SLC8A1: variants seen among roughly 807,000 people sequenced by gnomAD.
The protein encoded by SLC8A1 is sodium/calcium exchanger 1.
Under a neutral mutation model 68.3 loss-of-function variants are expected in SLC8A1, and 18 were observed. The observed-to-expected ratio is 0.26, with a 90% CI of 0.18 to 0.39. SLC8A1 has a LOEUF of 0.39. SLC8A1 is among the 10% of genes least tolerant of loss of function. The probability of loss-of-function intolerance (pLI) is 1.00; values close to 1 mark genes in which losing one functional copy is unlikely to be tolerated. For synonymous variants in SLC8A1, 475 were observed against 415.5 expected, an observed-to-expected ratio of 1.14 and a Z score of -1.74; for missense variants, 985 against 1,156.7, an observed-to-expected ratio of 0.85 and a Z score of 2.15.
At chr2:40,174,953 T>C in intron 3 of SLC8A1, 111 bp from the exon 5 acceptor site, 1 of 1,001,516 alleles carries the variant, frequency 1.0e-6, no homozygotes, top group Non-Finnish European at 1.5e-6. Flanking sequence ...CAAATTATAT[T>C]TACAATTAAG....
intron 2 of SLC8A1, among the ~76,000 whole-genome samples, chr2:40,350,663 T>C (rs552794723): frequency 1.4e-5 from 2 of 148,076 alleles, no homozygotes; most frequent in African/African-American, 2.5e-5. Context: ...ATGTGTAAAT[T>C]TGTCTTAACA....
intron 2 of SLC8A1, among the ~76,000 whole-genome samples, chr2:40,407,168 C>T (rs1690633197): frequency 6.6e-6 from 1 of 152,134 alleles, no homozygotes; most frequent in African/African-American, 2.4e-5. Flanking sequence ...CTAGGTTCAA[C>T]AGATTCTCCT....
chr2:40,192,918 A>G (rs1438842937), intron 2 of SLC8A1, among the ~76,000 whole-genome samples: 1 of 152,136 alleles, frequency 6.6e-6, no homozygotes, highest in African/African-American at 2.4e-5. Flanking sequence ...ACCCCCTAAG[A>G]ATGTCAGCTC....
intron 2 of SLC8A1, among the ~76,000 whole-genome samples, chr2:40,381,445 A>C (rs1332188267): frequency 6.6e-6 from 1 of 151,982 alleles, no homozygotes; most frequent in African/African-American, 2.4e-5. Context: ...ACATCTCTCC[A>C]TGAGTTTATG....
intron 2 of SLC8A1, among the ~76,000 whole-genome samples, chr2:40,247,076 T>G (rs1371464028): frequency 6.6e-6 from 1 of 152,204 alleles, no homozygotes; most frequent in African/African-American, 2.4e-5. Flanking sequence ...GCCAGCATAT[T>G]TCTTATAGAT....
chr2:40,439,076 T>C (rs1217527661), intron 1 of SLC8A1, among the ~76,000 whole-genome samples: 3 of 151,898 alleles, frequency 2.0e-5, no homozygotes, highest in Non-Finnish European at 4.4e-5. Context: ...TGAAGCCCCG[T>C]AGTGAATATG....
chr2:40,367,654 G>C lies in SLC8A1; in HGVS notation c.1808+60819C>G, dbSNP rs143292345. On this transcript the variant is annotated intron_variant, in intron 2 of 7. Transcript: ENST00000406785. ...TAATTGTTCGCCATCTCATCTAGAT[G>C]CCTCCAGACTGTCAATGAAATCTGA... Among the ~76,000 whole-genome samples the C allele has an allele frequency of 4.3e-3, 651 of 152,064 alleles. 3 individuals are homozygous for C. The highest frequency in any genetic ancestry group is 6.8e-3 in the Non-Finnish European group (460 of 67,952).
At chr2:40,386,219 C>A (rs931449730) in intron 2 of SLC8A1, among the ~76,000 whole-genome samples, 4 of 151,390 alleles carry the variant, frequency 2.6e-5, no homozygotes, top group Non-Finnish European at 4.4e-5. Context: ...TCTTAAATGA[C>A]TACCTGTTAT....
intron 2 of SLC8A1, among the ~76,000 whole-genome samples, chr2:40,192,881 C>T (rs576365719): frequency 6.6e-6 from 1 of 152,140 alleles, no homozygotes; most frequent in Admixed American, 6.5e-5. Context: ...GAAGAGAATC[C>T]ATGGAAATAC....
At position 40,394,377 on chromosome 2, in the gene SLC8A1, G is replaced by A. The variant is rs150997370; in HGVS notation, c.1808+34096C>T. On this transcript the variant is annotated intron_variant, in intron 2 of 7. Transcript: ENST00000406785. ...GCTTTTTCTAACGTGGATTCATCAG[G>A]GCACTGAAATTTAACTATTTTATTT... Among the ~76,000 whole-genome samples, 1,135 of 151,894 alleles carry A rather than the reference G, an allele frequency of 7.5e-3. 13 individuals are homozygous for A. The highest frequency in any genetic ancestry group is 0.026 in the African/African-American group (1,059 of 41,398).
At chr2:40,225,597 T>A (rs1020300622) in intron 2 of SLC8A1, among the ~76,000 whole-genome samples, 1 of 152,142 alleles carries the variant, frequency 6.6e-6, no homozygotes, top group Non-Finnish European at 1.5e-5. Context: ...GTGCCTAATT[T>A]CTGTGTAAAG....
chr2:40,397,663 A>G (rs1474135747), intron 2 of SLC8A1, among the ~76,000 whole-genome samples: 1 of 152,202 alleles, frequency 6.6e-6, no homozygotes, highest in Non-Finnish European at 1.5e-5. Flanking sequence ...TAAATGTGAC[A>G]ATACTCAGGC....
At chr2:40,274,404 T>A (rs1272699534) in intron 2 of SLC8A1, among the ~76,000 whole-genome samples, 2 of 152,088 alleles carry the variant, frequency 1.3e-5, no homozygotes, top group East Asian at 3.9e-4. Context: ...AGTTGTGCTC[T>A]AAAATTTTCC....
At chr2:40,411,389 G>A (rs532840962) in intron 2 of SLC8A1, among the ~76,000 whole-genome samples, 7 of 152,094 alleles carry the variant, frequency 4.6e-5, no homozygotes, top group African/African-American at 1.7e-4. Context: ...ATGCCCATTA[G>A]GAATGTAAAT....
At chr2:40,373,707 C>T (rs1027789468) in intron 2 of SLC8A1, among the ~76,000 whole-genome samples, 5 of 151,982 alleles carry the variant, frequency 3.3e-5, no homozygotes, top group Non-Finnish European at 7.4e-5. Context: ...GCTCAGAATT[C>T]CCACTTTTTC....
chr2:40,302,930 A>T (rs866327002), intron 2 of SLC8A1, among the ~76,000 whole-genome samples: 17 of 152,184 alleles, frequency 1.1e-4, no homozygotes, highest in African/African-American at 4.1e-4. Context: ...TATCCATAAC[A>T]TTCTAAAACT....
At position 40,483,493 on chromosome 2, in the gene SLC8A1, C is replaced by T. The variant is rs72953164; in HGVS notation, c.-25+28856G>A. 6.3e-3 allele frequency among the ~76,000 whole-genome samples: 961 copies of T among 152,142 alleles called. 14 individuals carry two copies. Among genetic ancestry groups the T allele is most frequent in the African/African-American group, 0.022 (909 of 41,504 alleles). ...GGAGAGAAAGCACAATCCTAACCTC[C>T]GCAAGAGAATAGCTACAGTCAACAA... On this transcript the variant is annotated intron_variant, in intron 1 of 7. Coordinates refer to the SLC8A1 transcript ENST00000402441.
At chr2:40,105,819 T>A (rs2034160748) in exon 8 of SLC8A1, 1 of 152,232 alleles carries the variant, frequency 6.6e-6, no homozygotes, top group East Asian at 1.9e-4. Flanking sequence ...GAGGTTGTGG[T>A]ATGGCCCCAG....
intron 1 of SLC8A1, among the ~76,000 whole-genome samples, chr2:40,443,398 G>C (rs1369511431): frequency 1.3e-5 from 2 of 152,130 alleles, no homozygotes; most frequent in Non-Finnish European, 2.9e-5. Flanking sequence ...TAACATCTAA[G>C]CTGAGATTTA....
Sources: allele counts gnomAD v4.1 joint callset (sites outside exome capture counted in the v4.1 genomes callset), GRCh38; gene constraint gnomAD v4.1.1; transcripts MANE v1.5; gene names NCBI Gene and HGNC (gene_info 2026-07-23, HGNC 2026-07-21).